TAFA2: variants seen among roughly 807,000 people sequenced by gnomAD.
TAFA2 encodes the protein TAFA chemokine like family member 2.
Under a neutral mutation model 18.8 loss-of-function variants are expected in TAFA2, and 7 were observed. The ratio of observed to expected loss-of-function variants is 0.37; its 90% confidence interval spans 0.21 to 0.70. TAFA2 has a LOEUF of 0.70. Ranked by LOEUF, TAFA2 falls within the 30% of genes least tolerant of loss-of-function variation. The pLI is 0.53. For missense variants in TAFA2, 122 were observed against 158.1 expected (o/e 0.77, Z 1.23); for synonymous variants, 60 against 54.2 (o/e 1.11, Z -0.47).
chr12:61,850,738 T>C (rs2121159302), intron 2 of TAFA2, among the ~76,000 whole-genome samples: 1 of 152,160 alleles, frequency 6.6e-6, no homozygotes, highest in Admixed American at 6.5e-5. Flanking sequence ...GATTATTCAT[T>C]TCATAGACGA....
chr12:61,773,107 T>C (rs957242084), intron 2 of TAFA2, among the ~76,000 whole-genome samples: 1 of 151,774 alleles, frequency 6.6e-6, no homozygotes, highest in African/African-American at 2.4e-5. Context: ...CATTTTATGA[T>C]AGCTGCAGAA....
At chr12:62,235,225 C>T (rs1055544457) in intron 1 of TAFA2, 6 of 655,714 alleles carry the variant, frequency 9.2e-6, no homozygotes, top group South Asian at 1.6e-5. Context: ...CAGTAGCTCA[C>T]GCCATGCTCA....
chr12:61,986,369 G>C (rs1323921657), intron 1 of TAFA2, among the ~76,000 whole-genome samples: 1 of 151,660 alleles, frequency 6.6e-6, no homozygotes, highest in East Asian at 1.9e-4. Flanking sequence ...TTGCCATGCT[G>C]GCCAGGCTGG....
chr12:62,049,212 C>T (rs544363678), intron 1 of TAFA2, among the ~76,000 whole-genome samples: 1 of 152,224 alleles, frequency 6.6e-6, no homozygotes, highest in South Asian at 2.1e-4. Flanking sequence ...CCCTTCTCCA[C>T]CCTCCATGGC....
chr12:62,078,189 C>A (rs373135048), intron 1 of TAFA2, among the ~76,000 whole-genome samples: 3 of 152,114 alleles, frequency 2.0e-5, no homozygotes, highest in Non-Finnish European at 2.9e-5. Context: ...ACCCAAGTCA[C>A]GTAGCAGAAA....
chr12:61,723,625 G>T (rs1208031510), intron 4 of TAFA2, among the ~76,000 whole-genome samples: 1 of 151,936 alleles, frequency 6.6e-6, no homozygotes, highest in Non-Finnish European at 1.5e-5. Context: ...TTTCACCTCA[G>T]ATATTTAAAT....
intron 1 of TAFA2, among the ~76,000 whole-genome samples, chr12:62,006,491 T>C (rs1282198291): frequency 6.6e-6 from 1 of 152,134 alleles, no homozygotes; most frequent in African/African-American, 2.4e-5. Context: ...CATATACACT[T>C]AAAATGGGAG....
chr12:61,882,280 A>C (rs1034675843), intron 1 of TAFA2, among the ~76,000 whole-genome samples: 1 of 152,176 alleles, frequency 6.6e-6, no homozygotes, highest in African/African-American at 2.4e-5. Context: ...CTACTGAAAA[A>C]CAGATGTCTT....
intron 1 of TAFA2, among the ~76,000 whole-genome samples, chr12:62,147,892 T>G (rs1348523131): frequency 6.6e-6 from 1 of 151,668 alleles, no homozygotes; most frequent in Non-Finnish European, 1.5e-5. Flanking sequence ...CAATAAGAAG[T>G]TGGCAAAGGA....
At chr12:62,019,587 G>A (rs374159924) in intron 1 of TAFA2, among the ~76,000 whole-genome samples, 3 of 150,454 alleles carry the variant, frequency 2.0e-5, no homozygotes, top group South Asian at 2.1e-4. Context: ...ACCAAACACC[G>A]CGTGTTCTCA....
chr12:61,996,645 C>A (rs1880198930), intron 1 of TAFA2, among the ~76,000 whole-genome samples: 1 of 152,130 alleles, frequency 6.6e-6, no homozygotes, highest in African/African-American at 2.4e-5. Context: ...CAGTTGTAAG[C>A]AGATCAAAAA....
rs571478080 is a variant in TAFA2, at chr12:61,957,227, T to A, written c.-1-89801A>T. ...TTACTTCTCCATTACCCATCCCTTT[T>A]TTCCTTCTCAGCTAATAGAACCCTA... On this transcript the variant is annotated intron_variant, in intron 1 of 4. Coordinates refer to ENST00000416284, the MANE Select transcript of TAFA2 (RefSeq NM_178539.5). 2.0e-5 allele frequency among the ~76,000 whole-genome samples: 3 copies of A among 152,278 alleles called. No homozygotes were observed. In the South Asian group the frequency reaches 6.2e-4, roughly 32 times the overall value.
chr12:62,062,116 C>A (rs753339045), intron 1 of TAFA2, among the ~76,000 whole-genome samples: 2 of 152,032 alleles, frequency 1.3e-5, no homozygotes, highest in Non-Finnish European at 2.9e-5. Flanking sequence ...AGAGGTTGCA[C>A]TGAGCTGAGA....
chr12:61,773,310 C>A (rs1276474887), intron 2 of TAFA2, among the ~76,000 whole-genome samples: 1 of 151,808 alleles, frequency 6.6e-6, no homozygotes, highest in Non-Finnish European at 1.5e-5. Flanking sequence ...CAATGCAATT[C>A]CCATCAAATT....
At chr12:62,092,364 A>C (rs1868753253) in intron 1 of TAFA2, among the ~76,000 whole-genome samples, 1 of 152,014 alleles carries the variant, frequency 6.6e-6, no homozygotes, top group African/African-American at 2.4e-5. Flanking sequence ...TGAAGGAGTT[A>C]TTTAAATTCC....
chr12:62,052,500 C>G (rs988479623), intron 1 of TAFA2, among the ~76,000 whole-genome samples: 1 of 152,042 alleles, frequency 6.6e-6, no homozygotes, highest in South Asian at 2.1e-4. Flanking sequence ...CTCAGCCAAC[C>G]CTCTTCTCTT....
At chr12:61,900,021 T>A (rs1008385484) in intron 1 of TAFA2, among the ~76,000 whole-genome samples, 1 of 152,226 alleles carries the variant, frequency 6.6e-6, no homozygotes. Context: ...TGGGTTTGTG[T>A]TGTTGCATCC....
At chr12:61,807,274 T>C (rs986345489) in intron 2 of TAFA2, among the ~76,000 whole-genome samples, 5 of 151,310 alleles carry the variant, frequency 3.3e-5, no homozygotes, top group South Asian at 4.1e-4. Flanking sequence ...GCTCAGGCCA[T>C]GGTTTCAGAG....
chr12:62,223,265 A>G (rs2062771587), intron 1 of TAFA2, among the ~76,000 whole-genome samples: 2 of 152,062 alleles, frequency 1.3e-5, no homozygotes, highest in African/African-American at 4.8e-5. Context: ...TGAAGCCTCT[A>G]CTTCTTGGGC....
Sources: gnomAD v4.1 joint callset for allele counts (sites outside exome capture counted in the v4.1 genomes callset) on GRCh38, gnomAD v4.1.1 for gene constraint, MANE v1.5 for transcripts, NCBI Gene and HGNC (gene_info 2026-07-23, HGNC 2026-07-21) for gene names.